Variants in RANBP2 observed in about 807,000 individuals in gnomAD.
RANBP2 encodes RAN binding protein 2.
In RANBP2, 57 loss-of-function variants were observed where a neutral mutation model predicts 303.6. That is an observed-to-expected ratio of 0.19 (90% CI 0.15 to 0.23). RANBP2 has a LOEUF of 0.23. Ranked by LOEUF, RANBP2 falls within the 10% of genes least tolerant of loss-of-function variation. The pLI, the probability that RANBP2 is intolerant of heterozygous loss-of-function variation, is 1.00. For synonymous variants in RANBP2, 1,167 were observed against 1,301.5 expected, an observed-to-expected ratio of 0.90 and a Z score of 2.23; for missense variants, 3,138 against 3,780.8, an observed-to-expected ratio of 0.83 and a Z score of 4.46.
At chr2:109,395,956 G>A in the RANBP2 span, among the ~76,000 whole-genome samples, 1 of 152,230 alleles carries the variant, frequency 6.6e-6, no homozygotes, top group African/African-American at 2.4e-5. Flanking sequence ...TGTTCCTTTG[G>A]GGAGAAGGGA....
At chr2:109,259,817 G>C in the RANBP2 span, among the ~76,000 whole-genome samples, 54 of 151,448 alleles carry the variant, frequency 3.6e-4, no homozygotes, top group African/African-American at 1.2e-3. Flanking sequence ...GGAGGTCTCT[G>C]TTTGTCTGGC....
the RANBP2 span, among the ~76,000 whole-genome samples, chr2:109,471,137 C>T: frequency 7.0e-6 from 1 of 141,874 alleles, no homozygotes; most frequent in African/African-American, 2.7e-5. Context: ...CACTTGAACC[C>T]AGGGGGCAGA....
At chr2:108,837,636 C>T in the RANBP2 span, among the ~76,000 whole-genome samples, 1 of 152,162 alleles carries the variant, frequency 6.6e-6, no homozygotes, top group Middle Eastern at 3.2e-3. Flanking sequence ...CGTAAACAAA[C>T]CTGTGCTGCC....
chr2:109,575,444 A>C, the RANBP2 span, among the ~76,000 whole-genome samples: 1 of 152,256 alleles, frequency 6.6e-6, no homozygotes, highest in Non-Finnish European at 1.5e-5. Flanking sequence ...AATTATAAAC[A>C]AAGGAAAGGC....
the RANBP2 span, among the ~76,000 whole-genome samples, chr2:109,657,205 G>A: frequency 3.5e-4 from 53 of 152,260 alleles, no homozygotes; most frequent in African/African-American, 1.2e-3. Context: ...ACACACTTTG[G>A]GAGGCTAAGG....
chr2:108,986,886 C>T, the RANBP2 span, among the ~76,000 whole-genome samples: 2 of 152,132 alleles, frequency 1.3e-5, no homozygotes, highest in Admixed American at 1.3e-4. Flanking sequence ...GGGCTTTTGT[C>T]CCCTAATTGA....
the RANBP2 span, among the ~76,000 whole-genome samples, chr2:108,889,867 T>G: frequency 6.6e-6 from 1 of 152,188 alleles, no homozygotes; most frequent in Non-Finnish European, 1.5e-5. Flanking sequence ...TCTTATTGAT[T>G]GTTGTTGTGG....
the RANBP2 span, among the ~76,000 whole-genome samples, chr2:109,271,515 C>T: frequency 6.6e-6 from 1 of 152,210 alleles, no homozygotes; most frequent in East Asian, 1.9e-4. Flanking sequence ...GCCAACATGA[C>T]AGCAGTGAAC....
At chr2:108,787,907 A>T, downstream of RANBP2, 1 of 806,916 alleles carries the variant, frequency 1.2e-6, no homozygotes, top group Non-Finnish European at 1.9e-6. Flanking sequence ...TCACTTGGTT[A>T]AGATGGTGTC....
At chr2:109,202,153 C>T in the RANBP2 span, among the ~76,000 whole-genome samples, 3 of 152,186 alleles carry the variant, frequency 2.0e-5, no homozygotes, top group African/African-American at 7.2e-5. Flanking sequence ...GCACTTACAG[C>T]TTGTAGATGA....
At chr2:109,536,668 T>G in the RANBP2 span, among the ~76,000 whole-genome samples, 1 of 152,076 alleles carries the variant, frequency 6.6e-6, no homozygotes, top group Non-Finnish European at 1.5e-5. Flanking sequence ...TTTTGAAATG[T>G]GAGGATGTGA....
At chr2:109,101,026 A>T in the RANBP2 span, among the ~76,000 whole-genome samples, 1 of 152,088 alleles carries the variant, frequency 6.6e-6, no homozygotes, top group Non-Finnish European at 1.5e-5. Context: ...AGGGGTGGGT[A>T]CTACACCCTT....
the RANBP2 span, among the ~76,000 whole-genome samples, chr2:109,172,567 G>GTGGAT: frequency 2.6e-5 from 4 of 152,170 alleles, no homozygotes; most frequent in Admixed American, 6.5e-5. Context: ...TCCAAACAGT[G>GTGGAT]TGGATTATTG....
chr2:109,408,641 G>A, the RANBP2 span, among the ~76,000 whole-genome samples: 3 of 152,232 alleles, frequency 2.0e-5, no homozygotes, highest in South Asian at 2.1e-4. Flanking sequence ...GCAATGCCCC[G>A]CACTGGCACT....
At chr2:109,279,169 G>C in the RANBP2 span, among the ~76,000 whole-genome samples, 4 of 152,140 alleles carry the variant, frequency 2.6e-5, no homozygotes, top group Non-Finnish European at 5.9e-5. Context: ...GCTGTGGTCC[G>C]GATTCCATGC....
At chr2:109,443,642 A>G in the RANBP2 span, among the ~76,000 whole-genome samples, 1 of 152,236 alleles carries the variant, frequency 6.6e-6, no homozygotes, top group Non-Finnish European at 1.5e-5. Flanking sequence ...TATAAAAATT[A>G]TTAGAGATAA....
chr2:109,166,704 A>T, the RANBP2 span, among the ~76,000 whole-genome samples: 1 of 152,214 alleles, frequency 6.6e-6, no homozygotes, highest in Non-Finnish European at 1.5e-5. Context: ...TTTTCAAAGC[A>T]ATTTGGAATG....
At chr2:109,096,080 A>G in the RANBP2 span, among the ~76,000 whole-genome samples, 1 of 152,158 alleles carries the variant, frequency 6.6e-6, no homozygotes, top group Non-Finnish European at 1.5e-5. Context: ...TGAATGACTT[A>G]CGGTGATGTG....
chr2:109,642,258 G>C, the RANBP2 span, among the ~76,000 whole-genome samples: 1 of 152,058 alleles, frequency 6.6e-6, no homozygotes, highest in African/African-American at 2.4e-5. Flanking sequence ...TAACTTTCAG[G>C]TATCATCATC....
Sources: allele counts gnomAD v4.1 joint callset (sites outside exome capture counted in the v4.1 genomes callset), GRCh38; gene constraint gnomAD v4.1.1; transcripts MANE v1.5; gene names NCBI Gene and HGNC (gene_info 2026-07-23, HGNC 2026-07-21).